Variants in CUL2 observed in about 807,000 individuals in gnomAD.
CUL2 encodes cullin 2, also known as cullin-2.
CUL2 carries 22 observed loss-of-function variants against 110.2 expected under a neutral mutation model. The observed-to-expected ratio is 0.20, with a 90% CI of 0.14 to 0.28. The LOEUF is 0.28. CUL2 is among the 10% of genes least tolerant of loss of function. The pLI is 1.00. For missense variants in CUL2, 631 were observed against 905.5 expected, an observed-to-expected ratio of 0.70 and a Z score of 3.89; for synonymous variants, 279 against 293.2, an observed-to-expected ratio of 0.95 and a Z score of 0.49.
chr10:35,029,391 C>CA, intron 15 of CUL2, 97 bp downstream of exon 15: 1 of 903,320 alleles, frequency 1.1e-6, no homozygotes, highest in South Asian at 2.2e-5. Flanking sequence ...ACAATCTACT[C>CA]ACAGAACCAA....
At chr10:35,069,471 G>A (rs1037787263) in intron 2 of CUL2, among the ~76,000 whole-genome samples, 1 of 151,936 alleles carries the variant, frequency 6.6e-6, no homozygotes, top group Non-Finnish European at 1.5e-5. Context: ...AGCCTAGGAG[G>A]TTGAGGCTGC....
Position 35,011,944 on chromosome 10 carries a change from A to C in CUL2, c.2010T>G (p.Ser670Arg). 1 of 1,605,138 alleles carries C rather than the reference A, an allele frequency of 6.2e-7. No homozygotes were observed. The highest frequency in any genetic ancestry group is 8.5e-7 in the Non-Finnish European group (1 of 1,174,462). Residue 670 changes from serine to arginine, a missense_variant, in exon 20 of 21, where the codon AGT becomes AGG. By Grantham distance (110) the Ser-to-Arg change is moderately radical. This residue lies in a region of CUL2 where 159 missense variants were observed against 202.7 expected (regional missense o/e 0.78). Transcript: ENST00000374749. ...DTPQEMEQTR[S>R]AVDEDRKMYL... ...ACATTTTCCGGTCCTCATCAACTGC[A>C]CTTCTAGTCTGCTCCATTTCCTGTT...
rs1210613343 is a variant in CUL2, at chr10:35,031,165, C to T, written c.1386+135G>A. 3 of 571,962 alleles carry T rather than the reference C, an allele frequency of 5.2e-6. No individual in the cohort carries two copies. Among genetic ancestry groups the T allele is most frequent in the East Asian group, 5.7e-5 (2 of 35,292 alleles). 35.4% of individuals were successfully genotyped at this position (571,962 alleles called of 1,614,324 possible). A position where few individuals can be genotyped will look rare whatever the true frequency, so the allele number is the denominator to read the frequency against. ...CCTTTTAATACAGTATTTGTATATC[C>T]CACTGTGTGACTACACAAATACACA... On this transcript the variant is annotated intron_variant, in intron 14 of 20. Coordinates refer to ENST00000374749, the MANE Select transcript of CUL2 (RefSeq NM_003591.4). The surrounding 1 kb of genome is among the most constrained non-coding windows in gnomAD (Gnocchi z 4.4).
intron 1 of CUL2, among the ~76,000 whole-genome samples, chr10:35,122,369 T>C (rs1366804227): frequency 1.3e-5 from 2 of 152,216 alleles, no homozygotes; most frequent in African/African-American, 4.8e-5. Context: ...GTCCTAATAT[T>C]ACTATCTACT....
Position 35,035,356 on chromosome 10 carries a change from T to C in CUL2, c.878-60A>G, listed in dbSNP as rs180742720. 1.1e-5 allele frequency: 17 copies of C among 1,571,392 alleles called. No individual in the cohort carries two copies. The African/African-American group carries it at 2.0e-4, about 18-fold the overall frequency. ...AAATATTTTCATTTATTAGGTAATATATGGATCCAAGTGCAGGAGTACAAT... is the reference window on the plus strand; with the variant it reads ...AAATATTTTCATTTATTAGGTAATACATGGATCCAAGTGCAGGAGTACAAT... On this transcript the variant is annotated intron_variant, in intron 9 of 20. Coordinates refer to ENST00000374749, the MANE Select transcript of CUL2 (RefSeq NM_003591.4).
chr10:35,071,120 C>T (rs2086666164), intron 2 of CUL2, 79 bp downstream of exon 2: 1 of 1,381,366 alleles, frequency 7.2e-7, no homozygotes, highest in Non-Finnish European at 1.0e-6. Flanking sequence ...AAAGTTCTTC[C>T]ATAACATTGA....
Position 35,064,773 on chromosome 10 carries a change from G to A in CUL2, c.120-1711C>T, listed in dbSNP as rs371286852. On this transcript the variant is annotated intron_variant, in intron 2 of 20. Coordinates refer to ENST00000374749, the MANE Select transcript of CUL2 (RefSeq NM_003591.4). Reference sequence around the variant, plus strand: ...GTCTAGGCTGGTCTCAAACTCTTGGGCTCAGGCAATCCTTCTGCCTCGGCC... The same window carrying A: ...GTCTAGGCTGGTCTCAAACTCTTGGACTCAGGCAATCCTTCTGCCTCGGCC... Among the ~76,000 whole-genome samples the A allele has an allele frequency of 5.2e-4, 79 of 152,092 alleles. No individual in the cohort carries two copies. In the East Asian group the frequency reaches 0.012, roughly 23 times the overall value.
At chr10:35,116,431 A>C (rs1421534535) in intron 1 of CUL2, among the ~76,000 whole-genome samples, 1 of 152,164 alleles carries the variant, frequency 6.6e-6, no homozygotes. Flanking sequence ...TAAACTACAA[A>C]ACTTACTCTT....
intron 1 of CUL2, among the ~76,000 whole-genome samples, chr10:35,114,035 G>A (rs2087558151): frequency 6.6e-6 from 1 of 150,684 alleles, no homozygotes; most frequent in Non-Finnish European, 1.5e-5. Context: ...AGCCTCCCGA[G>A]TAGCTGGGAC....
At chr10:35,076,137 CAA>C (rs1302817307) in intron 1 of CUL2, among the ~76,000 whole-genome samples, 1 of 152,080 alleles carries the variant, frequency 6.6e-6, no homozygotes, top group Non-Finnish European at 1.5e-5. Context: ...GGATGACCCT[CAA>C]AAACATTCTA....
At chr10:35,041,212 T>A (rs1165278660) in intron 8 of CUL2, among the ~76,000 whole-genome samples, 1 of 152,244 alleles carries the variant, frequency 6.6e-6, no homozygotes. Context: ...GACTTTAATC[T>A]GCTTGCCAAG....
chr10:35,095,014 C>T (rs2087274223), upstream of CUL2, among the ~76,000 whole-genome samples: 1 of 151,978 alleles, frequency 6.6e-6, no homozygotes. Context: ...ATAATTGTTT[C>T]TGACTTCAAA....
At chr10:35,077,778 T>C (rs924337394) in intron 1 of CUL2, among the ~76,000 whole-genome samples, 4 of 150,100 alleles carry the variant, frequency 2.7e-5, no homozygotes, top group Non-Finnish European at 4.4e-5. Flanking sequence ...GATCGTGCCA[T>C]TGCATTCCAG....
chr10:35,118,245 C>T (rs2087632670), intron 1 of CUL2: 2 of 149,926 alleles, frequency 1.3e-5, no homozygotes, highest in South Asian at 2.2e-4. Flanking sequence ...TAGAGTTGGC[C>T]TTTTTCATTC....
At chr10:35,113,167 G>C (rs2087541902) in intron 1 of CUL2, among the ~76,000 whole-genome samples, 3 of 108,706 alleles carry the variant, frequency 2.8e-5, no homozygotes, top group Admixed American at 1.3e-4. Flanking sequence ...TGGAGACAGA[G>C]CAAGACTCCA....
chr10:35,124,234 G>A lies in CUL2; in HGVS notation c.-51+2371C>T, dbSNP rs188696802. 2.8e-3 allele frequency among the ~76,000 whole-genome samples: 420 copies of A among 152,182 alleles called. 9 individuals carry two copies. Among genetic ancestry groups the A allele is most frequent in the Admixed American group, 0.025 (379 of 15,270 alleles). On this transcript the variant is annotated intron_variant, in intron 1 of 5. Coordinates refer to the CUL2 transcript ENST00000685421. ...AGTAGTCATTGGTAGTATCTGATGA[G>A]GAAAATAGGTCAAGTAGAATGAAAA...
chr10:35,071,505 C>T (rs1033480379), intron 1 of CUL2, among the ~76,000 whole-genome samples, 166 bp from the exon 2 acceptor site: 11 of 152,148 alleles, frequency 7.2e-5, no homozygotes, highest in Admixed American at 2.0e-4. Context: ...CCCAGGTTCA[C>T]GCCATTCTCC....
chr10:35,096,851 C>G (rs1013156020), intron 2 of CUL2, among the ~76,000 whole-genome samples: 12 of 150,914 alleles, frequency 8.0e-5, no homozygotes, highest in Non-Finnish European at 1.5e-4. Flanking sequence ...ACTCTGTTGC[C>G]CAGGCTGGAG....
At chr10:35,104,074 G>A (rs527601291) in intron 1 of CUL2, among the ~76,000 whole-genome samples, 1 of 152,212 alleles carries the variant, frequency 6.6e-6, no homozygotes, top group South Asian at 2.1e-4. Context: ...TCCATTAGCT[G>A]TACAAAAACA....
Sources: gnomAD v4.1 joint callset for allele counts (sites outside exome capture counted in the v4.1 genomes callset) on GRCh38, gnomAD v4.1.1 for gene constraint, gnomAD v4.1.1 regional missense constraint, Gnocchi (gnomAD v3.1) non-coding constraint, MANE v1.5 for transcripts, NCBI Gene and HGNC (gene_info 2026-07-23, HGNC 2026-07-21) for gene names.